Variants in N4BP2L1 observed in about 807,000 individuals in gnomAD.
N4BP2L1 encodes the protein NEDD4 binding protein 2 like 1.
N4BP2L1 carries 12 observed loss-of-function variants against 21.2 expected under a neutral mutation model. The ratio of observed to expected loss-of-function variants is 0.57; its 90% CI spans 0.36 to 0.92. The LOEUF is 0.92. N4BP2L1 is among the 40% of genes least tolerant of loss of function. The pLI is 0.01. For synonymous variants in N4BP2L1, 104 were observed against 112.8 expected (o/e 0.92, Z 0.49); for missense variants, 259 against 310.6 (o/e 0.83, Z 1.25).
At chr13:32,405,661 C>A (rs1471149818) in intron 3 of N4BP2L1, among the ~76,000 whole-genome samples, 1 of 152,188 alleles carries the variant, frequency 6.6e-6, no homozygotes. Flanking sequence ...GAAGTAACCA[C>A]AAGTTTGGGG....
intron 1 of N4BP2L1, among the ~76,000 whole-genome samples, chr13:32,410,398 C>T (rs1396416119): frequency 6.6e-6 from 1 of 152,242 alleles, no homozygotes; most frequent in African/African-American, 2.4e-5. Flanking sequence ...AGTCACTTTG[C>T]TGGCCCACAT....
intron 3 of N4BP2L1, among the ~76,000 whole-genome samples, chr13:32,405,692 C>T (rs2073435587): frequency 6.6e-6 from 1 of 152,080 alleles, no homozygotes; most frequent in African/African-American, 2.4e-5. Context: ...CTTACATTCA[C>T]CAAAGCCCCA....
At chr13:32,420,332 G>C (rs2074401817) in intron 1 of N4BP2L1, 1 of 152,216 alleles carries the variant, frequency 6.6e-6, no homozygotes, top group Non-Finnish European at 1.5e-5. Context: ...TGTTGGTTCA[G>C]TCATGAGCAG....
intron 1 of N4BP2L1, chr13:32,415,817 T>G (rs1327992103): frequency 1.3e-5 from 2 of 152,226 alleles, no homozygotes; most frequent in African/African-American, 4.8e-5. Flanking sequence ...CTTGTTTTGT[T>G]GGCTTAAAAT....
chr13:32,406,183 A>G (rs1358532799), intron 3 of N4BP2L1, among the ~76,000 whole-genome samples: 4 of 151,704 alleles, frequency 2.6e-5, no homozygotes, highest in Admixed American at 2.0e-4. Flanking sequence ...TGCTGGGATT[A>G]CAGGCATGAG....
At chr13:32,419,437 T>G in intron 1 of N4BP2L1, 2 of 245,020 alleles carry the variant, frequency 8.2e-6, no homozygotes, top group Non-Finnish European at 7.9e-6. Flanking sequence ...TTTTTTTTTT[T>G]TTTTTTTTTT....
chr13:32,419,663 C>T (rs758121613), intron 1 of N4BP2L1, among the ~76,000 whole-genome samples: 1 of 152,110 alleles, frequency 6.6e-6, no homozygotes, highest in Non-Finnish European at 1.5e-5. Flanking sequence ...CTTCCCCTTC[C>T]ACCACGATTG....
At chr13:32,405,862 G>A (rs1437671933) in intron 3 of N4BP2L1, among the ~76,000 whole-genome samples, 1 of 151,004 alleles carries the variant, frequency 6.6e-6, no homozygotes, top group Non-Finnish European at 1.5e-5. Context: ...ATGATGCGAG[G>A]AGGATACTCC....
intron 4 of N4BP2L1, among the ~76,000 whole-genome samples, chr13:32,403,477 T>G (rs2073276514): frequency 6.6e-6 from 1 of 152,170 alleles, no homozygotes; most frequent in South Asian, 2.1e-4. Context: ...CTTCAAGACA[T>G]AAAAGAACAC....
chr13:32,402,191 C>G lies in N4BP2L1; in HGVS notation c.*751G>C. 1 of 984,082 alleles carries G rather than the reference C, an allele frequency of 1.0e-6. No individual in the cohort carries two copies. The highest frequency in any genetic ancestry group is 1.2e-6 in the Non-Finnish European group (1 of 828,722). The allele number at this position is 984,082 out of a possible 1,614,324, so 61.0% of individuals were successfully genotyped here. A position where few individuals can be genotyped will look rare whatever the true frequency, so the allele number is the denominator to read the frequency against. On this transcript the variant is annotated 3_prime_UTR_variant, in exon 5 of 5. Coordinates refer to ENST00000380130, the MANE Select transcript of N4BP2L1 (RefSeq NM_052818.3). ...TGAAGGCAGGCTTATTTTATTTACA[C>G]TATTAGCACAACAGCCAAAAGTTAT...
chr13:32,404,539 T>G, intron 3 of N4BP2L1, 142 bp from the exon 4 acceptor site: 1 of 636,080 alleles, frequency 1.6e-6, no homozygotes, highest in Non-Finnish European at 2.7e-6. Context: ...TTTATCACAA[T>G]AAATGCAGTT....
chr13:32,411,441 G>C, intron 1 of N4BP2L1: 3 of 821,836 alleles, frequency 3.7e-6, no homozygotes, highest in Non-Finnish European at 4.4e-6. Flanking sequence ...TGAATAGGCA[G>C]GACAATAAAA....
chr13:32,410,578 T>C (rs1164052179), intron 1 of N4BP2L1, among the ~76,000 whole-genome samples: 1 of 152,204 alleles, frequency 6.6e-6, no homozygotes, highest in Non-Finnish European at 1.5e-5. Flanking sequence ...TTCGACTTCT[T>C]TAAAGATACG....
intron 4 of N4BP2L1, chr13:32,403,714 C>T (rs890286046): frequency 2.6e-5 from 14 of 535,876 alleles, no homozygotes; most frequent in Non-Finnish European, 4.6e-5. Context: ...CCACCTGAGG[C>T]AATTCTGATG....
At chr13:32,423,898 A>G (rs981955491) in intron 1 of N4BP2L1, among the ~76,000 whole-genome samples, 4 of 152,204 alleles carry the variant, frequency 2.6e-5, no homozygotes, top group African/African-American at 9.7e-5. Context: ...CACATAATAC[A>G]ATGCCAGTGG....
chr13:32,407,303 TA>T lies in N4BP2L1; in HGVS notation c.342del (p.Ile115LeufsTer12), dbSNP rs746888660. The T allele has an allele frequency of 6.2e-7, 1 of 1,614,190 alleles. No individual in the cohort carries two copies. The highest frequency in any genetic ancestry group is 1.1e-5 in the South Asian group (1 of 91,080). On this transcript the variant is annotated frameshift_variant, in exon 3 of 5. Coordinates refer to ENST00000380130, the MANE Select transcript of N4BP2L1 (RefSeq NM_052818.3). LOFTEE classifies it high-confidence loss of function. Reference protein sequence around the residue: ...RKAMRNGISPIIIDNTNLHAW... With the variant: ...RKAMRNGISPXIIDNTNLHAW... ...GCGTGGAGGTTGGTATTATCAATAA[TA>T]ATGGGGGATATGCCATTCCTCATTG...
chr13:32,402,780 C>A lies in N4BP2L1; in HGVS notation c.*162G>T. 7.1e-7 allele frequency: 1 copy of A among 1,399,834 alleles called. No homozygotes were observed. The highest frequency in any genetic ancestry group is 9.3e-7 in the Non-Finnish European group (1 of 1,076,546). 86.7% of individuals were successfully genotyped at this position (1,399,834 alleles called of 1,614,324 possible). A position where few individuals can be genotyped will look rare whatever the true frequency, so the allele number is the denominator to read the frequency against. ...GACCATGCATATAGAAGCACTTTAA[C>A]AAATTTTGGTGAAGAAAGTGAATAT... On this transcript the variant is annotated 3_prime_UTR_variant, in exon 5 of 5. Transcript: ENST00000380130.
chr13:32,402,222 T>A lies in N4BP2L1; in HGVS notation c.*720A>T. 1 of 948,380 alleles carries A rather than the reference T, an allele frequency of 1.1e-6. No homozygotes were observed. The highest frequency in any genetic ancestry group is 1.3e-6 in the Non-Finnish European group (1 of 796,234). The allele number at this position is 948,380 out of a possible 1,614,324, so 58.7% of individuals were successfully genotyped here. A position where few individuals can be genotyped will look rare whatever the true frequency, so the allele number is the denominator to read the frequency against. ...GCACAACAGCCAAAAGTTATTCAGG[T>A]TTAATCCTGCTGAATAAAGTAGTAA... On this transcript the variant is annotated 3_prime_UTR_variant, in exon 5 of 5. Coordinates refer to ENST00000380130, the MANE Select transcript of N4BP2L1 (RefSeq NM_052818.3).
intron 4 of N4BP2L1, 191 bp downstream of exon 4, chr13:32,404,130 T>C: frequency 6.3e-7 from 1 of 1,594,432 alleles, no homozygotes; most frequent in Non-Finnish European, 8.5e-7. Flanking sequence ...CATTTAGCAT[T>C]ATATTAGAAA....
Sources: allele counts gnomAD v4.1 joint callset (sites outside exome capture counted in the v4.1 genomes callset), GRCh38; gene constraint gnomAD v4.1.1; transcripts MANE v1.5; gene names NCBI Gene and HGNC (gene_info 2026-07-23, HGNC 2026-07-21).